CKMT2: variants seen among roughly 807,000 people sequenced by gnomAD.
CKMT2 encodes the protein creatine kinase, mitochondrial 2.
A neutral mutation model predicts 48.9 loss-of-function variants in CKMT2; 43 were observed. That is an observed-to-expected ratio of 0.88 (90% CI 0.69 to 1.13). The LOEUF (loss-of-function observed/expected upper bound fraction) is 1.13. Ranked by LOEUF, CKMT2 falls within the 50% of genes most tolerant of loss-of-function variation. The pLI, the probability that CKMT2 is intolerant of heterozygous loss-of-function variation, is 0.00. For synonymous variants in CKMT2, 206 were observed against 213.0 expected (o/e 0.97, Z 0.29); for missense variants, 472 against 555.4 (o/e 0.85, Z 1.51).
intron 9 of CKMT2, among the ~76,000 whole-genome samples, chr5:81,264,177 T>C (rs1757321225): frequency 6.6e-6 from 1 of 152,230 alleles, no homozygotes; most frequent in African/African-American, 2.4e-5. Context: ...GTGATGAATA[T>C]GTAGGATGAA....
intron 1 of CKMT2, chr5:81,242,456 G>A (rs763588937): frequency 9.7e-6 from 5 of 513,782 alleles, no homozygotes; most frequent in Non-Finnish European, 1.9e-5. Context: ...CAATTTTACA[G>A]AGGTCGCCTA....
intron 3 of CKMT2, 105 bp from the exon 4 acceptor site, chr5:81,254,291 G>T (rs111531198): frequency 0.025 from 21,161 of 837,646 alleles, 316 homozygotes; most frequent in Non-Finnish European, 0.03. Context: ...CAGAGAAGGA[G>T]GGCATCAACT....
At chr5:81,252,654 C>T (rs572396940) in intron 2 of CKMT2, 41 bp from the exon 3 acceptor site, 45 of 1,605,390 alleles carry the variant, frequency 2.8e-5, no homozygotes, top group African/African-American at 1.6e-4. Context: ...CCCCTTTCCT[C>T]GGGGGCTGCT....
Position 81,258,390 on chromosome 5 carries a change from C to T in CKMT2, c.879+534C>T, listed in dbSNP as rs535407684. On this transcript the variant is annotated intron_variant, in intron 7 of 9. Coordinates refer to ENST00000254035, the MANE Select transcript of CKMT2 (RefSeq NM_001099735.2). ...ACTTGTTTTTTGATTTATTTAATAT[C>T]GCTCTGAGCTATTCTAAGCATACAG... Among the ~76,000 whole-genome samples the T allele has an allele frequency of 1.1e-4, 17 of 152,288 alleles. No homozygotes were observed. The South Asian group carries it at 3.1e-3, about 28-fold the overall frequency.
At chr5:81,253,565 C>T (rs1202240156) in intron 3 of CKMT2, among the ~76,000 whole-genome samples, 1 of 152,174 alleles carries the variant, frequency 6.6e-6, no homozygotes, top group Non-Finnish European at 1.5e-5. Flanking sequence ...TTGGGTTCTT[C>T]TGTTGCAGGG....
intron 1 of CKMT2, among the ~76,000 whole-genome samples, chr5:81,246,628 C>G (rs1022088887): frequency 2.0e-5 from 3 of 152,212 alleles, no homozygotes; most frequent in African/African-American, 7.2e-5. Context: ...TAACAGTAGG[C>G]ACTCAGTAAA....
chr5:81,241,299 G>A (rs1397020448), intron 1 of CKMT2, among the ~76,000 whole-genome samples: 2 of 152,152 alleles, frequency 1.3e-5, no homozygotes, highest in Admixed American at 6.5e-5. Context: ...TGCAAAAAGG[G>A]GAAGAGCTTC....
intron 9 of CKMT2, 35 bp downstream of exon 9, chr5:81,263,651 C>T (rs1561289341): frequency 5.7e-6 from 9 of 1,580,418 alleles, no homozygotes; most frequent in Non-Finnish European, 5.2e-6. Flanking sequence ...CATGAACTAA[C>T]AAAATCAGCC....
At chr5:81,258,193 C>A (rs999783579) in intron 7 of CKMT2, among the ~76,000 whole-genome samples, 1 of 150,194 alleles carries the variant, frequency 6.7e-6, no homozygotes, top group Non-Finnish European at 1.5e-5. Context: ...AGCCACCACG[C>A]CCAGCCTCAA....
intron 7 of CKMT2, 121 bp from the exon 8 acceptor site, chr5:81,258,999 T>TTTACCTTAATTTCATTC: frequency 1.1e-6 from 1 of 932,612 alleles, no homozygotes; most frequent in Middle Eastern, 3.6e-4. Flanking sequence ...GTACTATAAA[T>TTTACCTTAATTTCATTC]TTACCTTAAT....
chr5:81,259,914 A>G (rs1757152273), intron 8 of CKMT2, among the ~76,000 whole-genome samples: 1 of 152,216 alleles, frequency 6.6e-6, no homozygotes, highest in African/African-American at 2.4e-5. Context: ...TCAACAGAAT[A>G]TGTACATTCT....
At position 81,255,220 on chromosome 5, in the gene CKMT2, T is replaced by G. The variant is rs771937901; in HGVS notation, c.669+6T>G. ...ACCAGCAGCGGCTCATCGATGTGAG[T>G]AGCAGATGGGGCTCCCTGGGGAAGG... On this transcript the variant is annotated splice_donor_region_variant and intron_variant, in intron 5 of 9. Coordinates refer to ENST00000254035, the MANE Select transcript of CKMT2 (RefSeq NM_001099735.2). 1.9e-6 allele frequency: 3 copies of G among 1,612,730 alleles called. No individual in the cohort carries two copies. The highest frequency in any genetic ancestry group is 1.1e-5 in the South Asian group (1 of 90,990).
At chr5:81,252,949 C>T (rs570195719) in intron 3 of CKMT2, 56 bp downstream of exon 3, 1 of 1,571,764 alleles carries the variant, frequency 6.4e-7, no homozygotes, top group Admixed American at 1.7e-5. Flanking sequence ...ATATGACTGA[C>T]TTGCACAGTC....
chr5:81,240,691 T>C (rs59132806), intron 1 of CKMT2, among the ~76,000 whole-genome samples: 29,939 of 152,180 alleles, frequency 0.2, 3,155 homozygotes, highest in Admixed American at 0.28. Context: ...CCTTTAGCTG[T>C]GTGACCTTGG....
In CKMT2 at chr5:81,264,921, A is replaced by T. The variant is rs541196373; in HGVS notation, c.1141-1218A>T. 4.6e-5 allele frequency among the ~76,000 whole-genome samples: 7 copies of T among 152,206 alleles called. No individual in the cohort carries two copies. In the South Asian group the frequency reaches 8.3e-4, roughly 18 times the overall value. ...ATATTATAACCAAATACTGGTTATA[A>T]TTTTTTTCCAATGCATTATATCATG... On this transcript the variant is annotated intron_variant, in intron 9 of 9. Coordinates refer to ENST00000254035, the MANE Select transcript of CKMT2 (RefSeq NM_001099735.2).
chr5:81,259,337 C>A, intron 8 of CKMT2, 83 bp downstream of exon 8: 1 of 1,271,064 alleles, frequency 7.9e-7, no homozygotes, highest in Non-Finnish European at 1.1e-6. Flanking sequence ...ACATCACTGC[C>A]CATTCCTTAA....
intron 1 of CKMT2, among the ~76,000 whole-genome samples, chr5:81,247,706 T>C (rs1228090411): frequency 6.6e-6 from 1 of 152,238 alleles, no homozygotes; most frequent in African/African-American, 2.4e-5. Context: ...CAAACAAGGT[T>C]ACTAATTAAG....
intron 1 of CKMT2, 85 bp downstream of exon 1, chr5:81,233,462 T>G: frequency 1.1e-6 from 1 of 926,384 alleles, no homozygotes; most frequent in South Asian, 5.0e-5. Context: ...GAGGAGTGGA[T>G]GCCGGGCTGT....
intron 1 of CKMT2, among the ~76,000 whole-genome samples, chr5:81,246,239 C>A (rs1425346358): frequency 1.3e-5 from 2 of 151,578 alleles, no homozygotes; most frequent in Non-Finnish European, 2.9e-5. Context: ...AAAATCCAGA[C>A]TCCTTAGGGT....
Sources: allele counts gnomAD v4.1 joint callset (sites outside exome capture counted in the v4.1 genomes callset), GRCh38; gene constraint gnomAD v4.1.1; transcripts MANE v1.5; gene names NCBI Gene and HGNC (gene_info 2026-07-23, HGNC 2026-07-21).